SYNE1: variants seen among roughly 807,000 people sequenced by gnomAD.
The protein encoded by SYNE1 is nesprin-1.
SYNE1 carries 616 observed loss-of-function variants against 1,111.0 expected under a neutral mutation model. The ratio of observed to expected loss-of-function variants is 0.55; its 90% CI spans 0.52 to 0.59. The LOEUF is 0.59. Among genes scored for constraint, SYNE1 ranks in the 20% least tolerant of loss-of-function variants. The pLI, the probability that SYNE1 is intolerant of heterozygous loss-of-function variation, is 0.00. For synonymous variants in SYNE1, 3,855 were observed against 3,825.8 expected (o/e 1.01, Z -0.28); for missense variants, 10,006 against 10,417.0 (o/e 0.96, Z 1.72).
chr6:152,637,297 G>A lies in SYNE1; in HGVS notation c.-500C>T, dbSNP rs1235875169. On this transcript the variant is annotated 5_prime_UTR_variant, in exon 1 of 146. Coordinates refer to ENST00000367255, the MANE Select transcript of SYNE1 (RefSeq NM_182961.4). Reference sequence around the variant, plus strand: ...GGGACCACCTCCCGGGGGTCGAGGTGGGAAGGAAATGTCCCTGAGAGCCGG... The same window carrying A: ...GGGACCACCTCCCGGGGGTCGAGGTAGGAAGGAAATGTCCCTGAGAGCCGG... 1 of 152,298 alleles carries A rather than the reference G, an allele frequency of 6.6e-6. No homozygotes were observed. The highest frequency in any genetic ancestry group is 2.4e-5 in the African/African-American group (1 of 41,458). The allele number at this position is 152,298 out of a possible 1,614,324, so 9.4% of individuals were successfully genotyped here.
chr6:152,394,366 A>G (rs1422097505), intron 51 of SYNE1, among the ~76,000 whole-genome samples: 1 of 152,198 alleles, frequency 6.6e-6, no homozygotes, highest in East Asian at 1.9e-4. Flanking sequence ...AGTGGGTGCT[A>G]TCCTCTTCTG....
intron 137 of SYNE1, chr6:152,145,570 C>T: frequency 1.2e-6 from 2 of 1,612,158 alleles, no homozygotes; most frequent in Non-Finnish European, 1.7e-6. Context: ...AAAAAAAGCA[C>T]AGTCTAAGTT....
chr6:152,440,860 C>T lies in SYNE1; in HGVS notation c.4149+270G>A, dbSNP rs214998. ...GGATTACAGGAGTTGAGTCACAGCGCGCGGCCTGCCTCCAGATTTTAAAAA... is the reference window on the plus strand; with the variant it reads ...GGATTACAGGAGTTGAGTCACAGCGTGCGGCCTGCCTCCAGATTTTAAAAA... On this transcript the variant is annotated intron_variant, in intron 32 of 145. Transcript: ENST00000367255. Among the ~76,000 whole-genome samples the T allele has an allele frequency of 0.21, 32,143 of 151,680 alleles. 3,613 individuals are homozygous for T. Among genetic ancestry groups the T allele is most frequent in the East Asian group, 0.38 (1,941 of 5,114 alleles).
chr6:152,330,150 G>A lies in SYNE1; in HGVS notation c.14535C>T (p.His4845=), dbSNP rs768107714. ...VTIHLEDLAP[H]LDPLAYEKAR... is the part of the protein sequence containing the mutation. ...CTTTCTCATAAGCCAAGGGGTCAAG[G>A]TGTGGGGCAAGATCTTCAAGATGTA... The change falls in exon 78 of 146, where the codon CAC becomes CAT. Residue 4845 remains histidine (H), a synonymous_variant. Transcript: ENST00000367255. 2 of 1,614,188 alleles carry A rather than the reference G, an allele frequency of 1.2e-6. No individual in the cohort carries two copies. Among genetic ancestry groups the A allele is most frequent in the South Asian group, 1.1e-5 (1 of 91,080 alleles).
At chr6:152,574,201 T>C (rs1488390230) in intron 3 of SYNE1, among the ~76,000 whole-genome samples, 2 of 99,442 alleles carry the variant, frequency 2.0e-5, no homozygotes, top group Non-Finnish European at 3.6e-5. Context: ...CATAAATATA[T>C]ACATATATAT....
intron 3 of SYNE1, among the ~76,000 whole-genome samples, chr6:152,606,201 T>A (rs1306401278): frequency 2.6e-5 from 4 of 152,084 alleles, no homozygotes; most frequent in Admixed American, 1.3e-4. Context: ...TGTGGCCTAG[T>A]TCCTAAAACC....
At chr6:152,384,481 AC>A (rs761042367) in intron 55 of SYNE1, among the ~76,000 whole-genome samples, 5 of 152,330 alleles carry the variant, frequency 3.3e-5, no homozygotes, top group Non-Finnish European at 7.3e-5. Flanking sequence ...AGAATAACAC[AC>A]AAAAAAAGGA....
Position 152,430,509 on chromosome 6 carries a change from C to A in SYNE1, c.4662G>T (p.Gln1554His), listed in dbSNP as rs1352567407. ...EGTILGHLSQ[Q>H]QKFEENLRKI... ...TTCTAAGGTTCTCTTCAAACTTTTG[C>A]TGCTGAGATAAATGTCCCAGGATTG... The change falls in exon 35 of 146, where the codon CAG becomes CAT. Residue 1554 changes from glutamine to histidine, a missense_variant. Transcript: ENST00000367255. The A allele has an allele frequency of 6.2e-7, 1 of 1,613,916 alleles. No individual in the cohort carries two copies. Among genetic ancestry groups the A allele is most frequent in the Non-Finnish European group, 8.5e-7 (1 of 1,179,956 alleles).
intron 108 of SYNE1, among the ~76,000 whole-genome samples, chr6:152,237,621 T>G (rs921290789): frequency 1.7e-4 from 26 of 152,164 alleles, no homozygotes; most frequent in African/African-American, 6.0e-4. Context: ...AGCCCAGGTA[T>G]GTATGGTTTT....
chr6:152,218,145 T>C, intron 121 of SYNE1, 112 bp downstream of exon 121: 1 of 1,291,564 alleles, frequency 7.7e-7, no homozygotes, highest in Non-Finnish European at 1.1e-6. Flanking sequence ...TGAGCCGAGA[T>C]CACACCACGG....
intron 144 of SYNE1, among the ~76,000 whole-genome samples, chr6:152,131,467 C>CA (rs1169400007): frequency 3.3e-5 from 5 of 151,900 alleles, no homozygotes; most frequent in Admixed American, 3.3e-4. Flanking sequence ...TAAAGCTGGA[C>CA]AAAAAATATA....
In SYNE1 at chr6:152,376,373, A is replaced by G. The variant is rs2097282459; in HGVS notation, c.9324+8T>C. 5 of 1,613,692 alleles carry G rather than the reference A, an allele frequency of 3.1e-6. No homozygotes were observed. In the South Asian group the frequency reaches 4.4e-5, roughly 14 times the overall value. On this transcript the variant is annotated splice_region_variant and intron_variant, in intron 58 of 145. Transcript: ENST00000367255. Reference sequence around the variant, plus strand: ...ACTGCTACTAGAATTAATTGATAACACCCTTACCTGTATTTTCTGAAGACT... The same window carrying G: ...ACTGCTACTAGAATTAATTGATAACGCCCTTACCTGTATTTTCTGAAGACT...
intron 124 of SYNE1, among the ~76,000 whole-genome samples, chr6:152,209,370 C>A (rs1028457051): frequency 6.6e-6 from 1 of 152,184 alleles, no homozygotes; most frequent in African/African-American, 2.4e-5. Context: ...AACACCCAGA[C>A]AACGTCAACA....
chr6:152,367,975 A>C (rs2097109439), intron 61 of SYNE1: 1 of 156,072 alleles, frequency 6.4e-6, no homozygotes, highest in South Asian at 1.9e-4. Context: ...ATTCATTCTA[A>C]GATGATTCAT....
At chr6:152,584,185 T>G (rs575856267) in intron 3 of SYNE1, among the ~76,000 whole-genome samples, 1 of 152,074 alleles carries the variant, frequency 6.6e-6, no homozygotes, top group South Asian at 2.1e-4. Context: ...CTGGTGAGAT[T>G]TAAATAAGAT....
rs1263607989 is a variant in SYNE1 at position 152,321,710 on chromosome 6, CT to C, written c.16083+10del. 6.2e-7 allele frequency: 1 copy of C among 1,613,776 alleles called. No homozygotes were observed. Among genetic ancestry groups the C allele is most frequent in the African/African-American group, 1.3e-5 (1 of 74,898 alleles). Reference sequence around the variant, plus strand: ...ATGATGGGTAAAGAGAATGAGGAGACTTTTTTGTACCTGAAGTTCTTCAAGT... The same window carrying C: ...ATGATGGGTAAAGAGAATGAGGAGACTTTTTGTACCTGAAGTTCTTCAAGT... On this transcript the variant is annotated intron_variant, in intron 83 of 145. Coordinates refer to ENST00000367255, the MANE Select transcript of SYNE1 (RefSeq NM_182961.4).
At position 152,442,069 on chromosome 6, in the gene SYNE1, T is replaced by A; in HGVS notation, c.4008+6A>T. 6.2e-7 allele frequency: 1 copy of A among 1,614,038 alleles called. No individual in the cohort carries two copies. The highest frequency in any genetic ancestry group is 8.5e-7 in the Non-Finnish European group (1 of 1,180,030). On this transcript the variant is annotated splice_donor_region_variant and intron_variant, in intron 31 of 145. Coordinates refer to ENST00000367255, the MANE Select transcript of SYNE1 (RefSeq NM_182961.4). ...GTTTAAATGGCCCCTAACTTCCGGC[T>A]CCTACCTGGATGCGGCGTTCCTGCC...
intron 131 of SYNE1, among the ~76,000 whole-genome samples, chr6:152,159,608 C>G (rs1430035250): frequency 2.0e-5 from 3 of 152,028 alleles, no homozygotes; most frequent in Non-Finnish European, 4.4e-5. Context: ...TTACTTCTAC[C>G]CTTTTTAATT....
chr6:152,315,006 A>G (rs1279624836), intron 87 of SYNE1, among the ~76,000 whole-genome samples: 2 of 148,356 alleles, frequency 1.3e-5, no homozygotes, highest in East Asian at 4.0e-4. Flanking sequence ...AAGAAAAAAA[A>G]AGTCATGATA....
Sources: gnomAD v4.1 joint callset for allele counts (sites outside exome capture counted in the v4.1 genomes callset) on GRCh38, gnomAD v4.1.1 for gene constraint, MANE v1.5 for transcripts, NCBI Gene and HGNC (gene_info 2026-07-23, HGNC 2026-07-21) for gene names.